Variants in ASTN2 observed in about 807,000 individuals in gnomAD.
ASTN2 encodes astrotactin-2.
ASTN2 carries 54 observed loss-of-function variants against 139.8 expected under a neutral mutation model. That is an observed-to-expected ratio of 0.39 (90% CI 0.31 to 0.48). The LOEUF is 0.48. Ranked by LOEUF, ASTN2 falls within the 20% of genes least tolerant of loss-of-function variation. The probability of loss-of-function intolerance (pLI) is 0.95; values close to 1 mark genes in which losing one functional copy is unlikely to be tolerated. For missense variants in ASTN2, 1,565 were observed against 1,725.1 expected, an observed-to-expected ratio of 0.91 and a Z score of 1.64; for synonymous variants, 756 against 719.5, an observed-to-expected ratio of 1.05 and a Z score of -0.81.
intron 1 of ASTN2, among the ~76,000 whole-genome samples, chr9:117,400,663 T>C (rs1194761051): frequency 6.6e-6 from 1 of 152,184 alleles, no homozygotes; most frequent in African/African-American, 2.4e-5. Flanking sequence ...TGTTTGATCT[T>C]CAGAGGCCCC....
chr9:116,955,055 A>G (rs547491298), intron 10 of ASTN2, among the ~76,000 whole-genome samples: 3 of 152,248 alleles, frequency 2.0e-5, no homozygotes, highest in Non-Finnish European at 4.4e-5. Flanking sequence ...AAGGCACAAG[A>G]TGACAGGGAT....
At chr9:116,703,746 C>T (rs1827915609) in intron 16 of ASTN2, among the ~76,000 whole-genome samples, 1 of 144,070 alleles carries the variant, frequency 6.9e-6, no homozygotes, top group Non-Finnish European at 1.5e-5. Flanking sequence ...AAAAAAAGTG[C>T]AGTGTTACTC....
chr9:116,926,472 A>G lies in ASTN2; in HGVS notation c.1889+48736T>C, dbSNP rs1929008. On this transcript the variant is annotated intron_variant, in intron 10 of 22. Transcript: ENST00000313400. Reference sequence around the variant, plus strand: ...TCTTTTTGGTCCCTGCCTTCATGTTATCGAGTTCCATTTCAACCTCTTTAC... The same window carrying G: ...TCTTTTTGGTCCCTGCCTTCATGTTGTCGAGTTCCATTTCAACCTCTTTAC... Among the ~76,000 whole-genome samples the G allele has an allele frequency of 5.9e-3, 901 of 152,206 alleles. 44 individuals are homozygous for G. Among genetic ancestry groups the G allele is most frequent in the Admixed American group, 0.055 (840 of 15,286 alleles).
chr9:117,291,374 G>A lies in ASTN2; in HGVS notation c.582C>T (p.Pro194=), dbSNP rs1834587227. Residue 194 remains proline, a synonymous_variant, in exon 2 of 23, where the codon CCC becomes CCT. Coordinates refer to ENST00000313400, the MANE Select transcript of ASTN2 (RefSeq NM_001365068.1). ...AQATAPTLQE[P]SEIVEEQMHI... is the part of the protein sequence containing the mutation. ...GCATCTGCTCCTCAACAATCTCCGA[G>A]GGCTCCTGGAGAGTGGGGGCGGTGG... 6.2e-7 allele frequency: 1 copy of A among 1,614,154 alleles called. No homozygotes were observed. Among genetic ancestry groups the A allele is most frequent in the Non-Finnish European group, 8.5e-7 (1 of 1,180,030 alleles).
chr9:117,397,696 A>G (rs1263818954), intron 1 of ASTN2, among the ~76,000 whole-genome samples: 1 of 152,184 alleles, frequency 6.6e-6, no homozygotes, highest in Non-Finnish European at 1.5e-5. Flanking sequence ...ACTTTTTATG[A>G]TTCTCCACTT....
At chr9:116,548,825 T>C (rs933361496) in intron 19 of ASTN2, among the ~76,000 whole-genome samples, 1 of 152,164 alleles carries the variant, frequency 6.6e-6, no homozygotes, top group African/African-American at 2.4e-5. Flanking sequence ...TAAATTACCA[T>C]TGAACTGGCT....
chr9:116,439,349 C>T (rs950728565), intron 22 of ASTN2, among the ~76,000 whole-genome samples: 6 of 144,308 alleles, frequency 4.2e-5, no homozygotes, highest in African/African-American at 1.1e-4. Context: ...TACAGGCGCC[C>T]GCCACTACGC....
At chr9:116,779,085 C>A (rs1371584917) in intron 13 of ASTN2, among the ~76,000 whole-genome samples, 1 of 143,082 alleles carries the variant, frequency 7.0e-6, no homozygotes, top group Non-Finnish European at 1.5e-5. Flanking sequence ...ATGTAATTTT[C>A]CAAACTCAAT....
intron 16 of ASTN2, among the ~76,000 whole-genome samples, chr9:116,667,561 T>C (rs1323831318): frequency 6.6e-6 from 1 of 152,202 alleles, no homozygotes; most frequent in East Asian, 1.9e-4. Flanking sequence ...CCATTTTCTC[T>C]CCTTGTGTGT....
chr9:117,253,552 G>A (rs1431637481), intron 2 of ASTN2, among the ~76,000 whole-genome samples: 1 of 152,182 alleles, frequency 6.6e-6, no homozygotes, highest in Non-Finnish European at 1.5e-5. Context: ...TCCATTTAGT[G>A]AGGACTTTCT....
intron 1 of ASTN2, among the ~76,000 whole-genome samples, chr9:117,316,601 C>T (rs987295080): frequency 1.3e-5 from 2 of 152,124 alleles, no homozygotes; most frequent in South Asian, 2.1e-4. Flanking sequence ...TGGGAAGATG[C>T]TCAATCTGCT....
chr9:116,840,482 C>G (rs1181465086), intron 11 of ASTN2, among the ~76,000 whole-genome samples: 1 of 138,410 alleles, frequency 7.2e-6, no homozygotes, highest in South Asian at 2.4e-4. Context: ...ACCTCCCGGA[C>G]GGGGCGGCTG....
intron 5 of ASTN2, among the ~76,000 whole-genome samples, chr9:117,059,663 C>A (rs557327134): frequency 3.7e-4 from 56 of 152,148 alleles, no homozygotes; most frequent in African/African-American, 1.2e-3. Context: ...ACCACCACCA[C>A]CAACAAAAAA....
At chr9:116,474,241 G>T (rs1253142723) in intron 20 of ASTN2, among the ~76,000 whole-genome samples, 2 of 152,198 alleles carry the variant, frequency 1.3e-5, no homozygotes, top group African/African-American at 2.4e-5. Flanking sequence ...TATAACGGAG[G>T]TGAAGAGTCC....
At chr9:116,471,746 A>G (rs1478048826) in intron 20 of ASTN2, among the ~76,000 whole-genome samples, 1 of 152,204 alleles carries the variant, frequency 6.6e-6, no homozygotes, top group Non-Finnish European at 1.5e-5. Context: ...TTAATTTCAC[A>G]CATACACTCT....
chr9:116,837,246 C>T (rs773462191), intron 11 of ASTN2, among the ~76,000 whole-genome samples: 70 of 152,128 alleles, frequency 4.6e-4, no homozygotes, highest in Non-Finnish European at 9.0e-4. Flanking sequence ...CATGTGGAGG[C>T]GTGCCTCTTT....
At chr9:117,376,150 G>A (rs1164097347) in intron 1 of ASTN2, among the ~76,000 whole-genome samples, 1 of 152,066 alleles carries the variant, frequency 6.6e-6, no homozygotes, top group Non-Finnish European at 1.5e-5. Context: ...GGACATCTTT[G>A]GGGGACCATT....
At chr9:117,042,024 T>A (rs183205689) in intron 5 of ASTN2, among the ~76,000 whole-genome samples, 1 of 152,204 alleles carries the variant, frequency 6.6e-6, no homozygotes, top group African/African-American at 2.4e-5. Flanking sequence ...CTTACCATTA[T>A]GTCCCAGTAA....
At chr9:117,282,861 T>C (rs1046839399) in intron 2 of ASTN2, among the ~76,000 whole-genome samples, 10 of 150,670 alleles carry the variant, frequency 6.6e-5, no homozygotes, top group Non-Finnish European at 1.2e-4. Context: ...GGCACTATGA[T>C]TTAGAGTGGT....
Sources: gnomAD v4.1 joint callset for allele counts (sites outside exome capture counted in the v4.1 genomes callset) on GRCh38, gnomAD v4.1.1 for gene constraint, MANE v1.5 for transcripts, NCBI Gene and HGNC (gene_info 2026-07-23, HGNC 2026-07-21) for gene names.